Variants in SPMIP2 observed in about 807,000 individuals in gnomAD.
The protein encoded by SPMIP2 is sperm microtubule inner protein 2.
the SPMIP2 span, chr4:158,893,637 T>G: frequency 7.1e-7 from 1 of 1,410,650 alleles, no homozygotes; most frequent in South Asian, 1.2e-5. Flanking sequence ...ATGATCTTAT[T>G]TTTTGTTATA....
the SPMIP2 span, among the ~76,000 whole-genome samples, chr4:159,072,749 T>C: frequency 6.6e-6 from 1 of 152,024 alleles, no homozygotes; most frequent in Non-Finnish European, 1.5e-5. Flanking sequence ...GTTAATCTTA[T>C]GAATTCTTTT....
chr4:159,072,850 G>A, the SPMIP2 span, among the ~76,000 whole-genome samples: 68 of 152,276 alleles, frequency 4.5e-4, no homozygotes, highest in Middle Eastern at 3.4e-3. Flanking sequence ...GAAAAGATGT[G>A]CTTTGATAAG....
the SPMIP2 span, among the ~76,000 whole-genome samples, chr4:159,060,873 C>G: frequency 1.3e-5 from 2 of 151,246 alleles, no homozygotes; most frequent in African/African-American, 4.9e-5. Context: ...TCACTTGAGC[C>G]CAGAAGTTCA....
chr4:158,928,385 A>G, the SPMIP2 span, among the ~76,000 whole-genome samples: 15 of 145,306 alleles, frequency 1.0e-4, no homozygotes, highest in African/African-American at 3.3e-4. Flanking sequence ...AAATACACCA[A>G]TCAGCACCCT....
At chr4:159,062,719 C>CTCTCTCTCTCTCTCTCTCTCTCTCTCTT in the SPMIP2 span, among the ~76,000 whole-genome samples, 1 of 150,548 alleles carries the variant, frequency 6.6e-6, no homozygotes, top group Non-Finnish European at 1.5e-5. Context: ...CTCTCTCTCT[C>CTCTCTCTCTCTCTCTCTCTCTCTCTCTT]TCTCTGTCAC....
At chr4:159,052,790 C>T in the SPMIP2 span, among the ~76,000 whole-genome samples, 135 of 150,772 alleles carry the variant, frequency 9.0e-4, 1 homozygote, top group South Asian at 0.012. Flanking sequence ...CCTGCCACCA[C>T]GCCTGGCTAA....
the SPMIP2 span, among the ~76,000 whole-genome samples, chr4:158,927,857 C>T: frequency 2.4e-4 from 36 of 152,280 alleles, no homozygotes; most frequent in African/African-American, 7.9e-4. Context: ...CCAGCAGCTA[C>T]GGCGGGTGTA....
chr4:159,052,610 C>CTATTATTAT, the SPMIP2 span, among the ~76,000 whole-genome samples: 10 of 149,148 alleles, frequency 6.7e-5, no homozygotes, highest in South Asian at 2.1e-4. Flanking sequence ...TATCTCAAGA[C>CTATTATTAT]TATTATTATT....
At chr4:158,960,640 T>C in the SPMIP2 span, among the ~76,000 whole-genome samples, 1 of 152,142 alleles carries the variant, frequency 6.6e-6, no homozygotes, top group Non-Finnish European at 1.5e-5. Flanking sequence ...TTTCCAGCTT[T>C]ATGATTCTAT....
the SPMIP2 span, chr4:159,007,611 AAGTACTTC>A: frequency 9.7e-7 from 1 of 1,034,002 alleles, no homozygotes; most frequent in African/African-American, 1.6e-5. Flanking sequence ...AACCATTTCC[AAGTACTTC>A]TCAGAACGTC....
chr4:158,949,625 T>C, the SPMIP2 span, among the ~76,000 whole-genome samples: 1 of 152,252 alleles, frequency 6.6e-6, no homozygotes, highest in African/African-American at 2.4e-5. Flanking sequence ...TGACTTTTTA[T>C]TCCTGCTCAC....
At chr4:158,963,301 GTTTGT>G in the SPMIP2 span, among the ~76,000 whole-genome samples, 1 of 151,172 alleles carries the variant, frequency 6.6e-6, no homozygotes, top group African/African-American at 2.4e-5. Flanking sequence ...TTTTTTGTTT[GTTTGT>G]TTTGTTTGTT....
At chr4:158,928,736 T>G in the SPMIP2 span, among the ~76,000 whole-genome samples, 1 of 152,152 alleles carries the variant, frequency 6.6e-6, no homozygotes, top group African/African-American at 2.4e-5. Context: ...GCTCAGTCTT[T>G]GGGTCCACGC....
chr4:158,902,294 G>A, the SPMIP2 span, among the ~76,000 whole-genome samples: 3 of 152,280 alleles, frequency 2.0e-5, no homozygotes, highest in Admixed American at 2.0e-4. Flanking sequence ...GACCCTGTTT[G>A]CCTGGGTATC....
At chr4:158,910,976 C>T in the SPMIP2 span, among the ~76,000 whole-genome samples, 2 of 152,130 alleles carry the variant, frequency 1.3e-5, no homozygotes, top group Non-Finnish European at 1.5e-5. Flanking sequence ...GGTATGATAA[C>T]CCAAAATGGA....
At chr4:158,983,493 T>TG in the SPMIP2 span, among the ~76,000 whole-genome samples, 1 of 151,540 alleles carries the variant, frequency 6.6e-6, no homozygotes, top group African/African-American at 2.4e-5. Flanking sequence ...CAGAAGAGAC[T>TG]GGGGGCCAAT....
At chr4:159,054,690 G>C in the SPMIP2 span, among the ~76,000 whole-genome samples, 1 of 152,166 alleles carries the variant, frequency 6.6e-6, no homozygotes, top group African/African-American at 2.4e-5. Flanking sequence ...TGAGACTTCA[G>C]TTTTTAAAAC....
At chr4:159,001,772 G>A in the SPMIP2 span, among the ~76,000 whole-genome samples, 6 of 152,264 alleles carry the variant, frequency 3.9e-5, no homozygotes, top group South Asian at 1.2e-3. Flanking sequence ...TTGATTCAAT[G>A]TCTTTGCTAT....
At chr4:158,950,786 C>G in the SPMIP2 span, among the ~76,000 whole-genome samples, 1 of 152,102 alleles carries the variant, frequency 6.6e-6, no homozygotes, top group Non-Finnish European at 1.5e-5. Flanking sequence ...ATCCCAGCTA[C>G]TCAGGAGGCT....
Sources: allele counts gnomAD v4.1 joint callset (sites outside exome capture counted in the v4.1 genomes callset), GRCh38; gene constraint gnomAD v4.1.1; transcripts MANE v1.5; gene names NCBI Gene and HGNC (gene_info 2026-07-23, HGNC 2026-07-21).